Variants in ARHGEF18 observed in about 807,000 individuals in gnomAD.
ARHGEF18 encodes the protein Rho/Rac guanine nucleotide exchange factor 18, also known as rho guanine nucleotide exchange factor 18.
A neutral mutation model predicts 155.7 loss-of-function variants in ARHGEF18; 93 were observed. The observed-to-expected ratio is 0.60, with a 90% CI of 0.50 to 0.71. ARHGEF18 has a LOEUF of 0.71. Ranked by LOEUF, ARHGEF18 falls within the 30% of genes least tolerant of loss-of-function variation. The pLI is 0.00. For synonymous variants in ARHGEF18, 742 were observed against 753.1 expected (o/e 0.99, Z 0.24); for missense variants, 1,593 against 1,816.1 (o/e 0.88, Z 2.23).
chr19:7,372,625 G>T (rs112561623), intron 2 of ARHGEF18, among the ~76,000 whole-genome samples, 187 bp from the exon 3 acceptor site: 52 of 152,308 alleles, frequency 3.4e-4, no homozygotes, highest in African/African-American at 9.4e-4. Flanking sequence ...TTAGACAGGG[G>T]ACTGGGGGAC....
In ARHGEF18 at chr19:7,458,642, A is replaced by G. The variant is rs1408979059; in HGVS notation, c.2312A>G (p.Lys771Arg). 6.2e-7 allele frequency: 1 copy of G among 1,614,160 alleles called. No individual in the cohort carries two copies. The highest frequency in any genetic ancestry group is 8.5e-7 in the Non-Finnish European group (1 of 1,180,002). Residue 771 changes from lysine to arginine, a missense_variant, in exon 19 of 29, where the codon AAA becomes AGA. Physicochemically the swap from Lys to Arg is conservative, Grantham distance 26. Coordinates refer to ENST00000668164, the MANE Select transcript of ARHGEF18 (RefSeq NM_001367823.1). Reference sequence around the variant, plus strand: ...ATGTATGAAATCTACACGAGCTCCAAAGAGGACAGGAACGCCTGGATGGCC... The same window carrying G: ...ATGTATGAAATCTACACGAGCTCCAGAGAGGACAGGAACGCCTGGATGGCC... ...PEMYEIYTSS[K>R]EDRNAWMAHI...
intron 10 of ARHGEF18, among the ~76,000 whole-genome samples, chr19:7,408,781 G>A (rs1224800191): frequency 3.3e-5 from 5 of 152,152 alleles, no homozygotes; most frequent in East Asian, 3.9e-4. Flanking sequence ...AGTGGCTCAC[G>A]CCTGTAATCT....
intron 10 of ARHGEF18, among the ~76,000 whole-genome samples, chr19:7,408,035 T>G (rs1318686053): frequency 1.3e-5 from 2 of 149,356 alleles, no homozygotes; most frequent in Non-Finnish European, 3.0e-5. Flanking sequence ...TCTCAGCATT[T>G]CAGGAGGCAG....
Position 7,362,161 on chromosome 19 carries a change from A to AAGG in ARHGEF18, c.-110-618_-110-617insGAG, listed in dbSNP as rs1180378423. Among the ~76,000 whole-genome samples, 3 of 19,880 alleles carry AAGG rather than the reference A, an allele frequency of 1.5e-4. 1 individual carries two copies. Among genetic ancestry groups the AAGG allele is most frequent in the African/African-American group, 1.2e-3 (3 of 2,602 alleles). 13.0% of individuals were successfully genotyped at this position (19,880 alleles called of 152,430 possible). A position where few individuals can be genotyped will look rare whatever the true frequency, so the allele number is the denominator to read the frequency against. On this transcript the variant is annotated intron_variant, in intron 1 of 28. Coordinates refer to ENST00000668164, the MANE Select transcript of ARHGEF18 (RefSeq NM_001367823.1). The stretch of plus-strand genomic sequence containing the variant: ...GGAGAAGGAGAAGGAGAAGGAGGAG[A>AAGG]AGAAGGAGAAGAAGGAGAAGAAGGA...
intron 10 of ARHGEF18, among the ~76,000 whole-genome samples, chr19:7,393,720 A>C (rs1971530699): frequency 6.6e-6 from 1 of 151,234 alleles, no homozygotes; most frequent in South Asian, 2.1e-4. Context: ...CCTGTGTGGA[A>C]GTGGATAGGG....
At chr19:7,356,705 G>A (rs1969321781) in intron 1 of ARHGEF18, among the ~76,000 whole-genome samples, 1 of 152,170 alleles carries the variant, frequency 6.6e-6, no homozygotes, top group African/African-American at 2.4e-5. Context: ...ATTGCCTCAT[G>A]GGTTTTCTTG....
At chr19:7,438,398 G>T (rs944053533) in intron 10 of ARHGEF18, among the ~76,000 whole-genome samples, 2 of 144,524 alleles carry the variant, frequency 1.4e-5, no homozygotes, top group Non-Finnish European at 3.0e-5. Flanking sequence ...ACCATGTCTG[G>T]CCCAGATTTC....
At chr19:7,404,452 T>G (rs997758325) in intron 10 of ARHGEF18, among the ~76,000 whole-genome samples, 1 of 145,146 alleles carries the variant, frequency 6.9e-6, no homozygotes, top group Non-Finnish European at 1.5e-5. Context: ...CAGGAGGATC[T>G]CTCTCTTTTT....
chr19:7,426,305 T>C (rs8108993), intron 10 of ARHGEF18, among the ~76,000 whole-genome samples: 79,131 of 151,394 alleles, frequency 0.52, 21,165 homozygotes, highest in Middle Eastern at 0.73. Context: ...CTGGCCAACA[T>C]GATGAAACCT....
At chr19:7,411,356 G>T (rs1234573172) in intron 10 of ARHGEF18, among the ~76,000 whole-genome samples, 1 of 147,706 alleles carries the variant, frequency 6.8e-6, no homozygotes, top group African/African-American at 2.5e-5. Context: ...GCCCAGGCTG[G>T]AGGGCAGTGG....
In ARHGEF18 at chr19:7,380,992, GGAGT is replaced by G; in HGVS notation, c.721_722+2del. 1 of 1,232,162 alleles carries G rather than the reference GGAGT, an allele frequency of 8.1e-7. No individual in the cohort carries two copies. The allele number at this position is 1,232,162 out of a possible 1,614,324, so 76.3% of individuals were successfully genotyped here. On this transcript the variant is annotated splice_donor_variant and coding_sequence_variant, in exon 8 of 29. Transcript: ENST00000668164. LOFTEE classifies it high-confidence loss of function. ...ACCTGACCTGGTTTGAATTCCTGTCGGAGTAAGTACACAGATCTGCTTCTGGGGA... is the reference window on the plus strand; with the variant it reads ...ACCTGACCTGGTTTGAATTCCTGTCGAAGTACACAGATCTGCTTCTGGGGA...
chr19:7,458,564 CCAA>C lies in ARHGEF18; in HGVS notation c.2236_2238del (p.Asn746del), dbSNP rs1318414599. 1 of 1,614,074 alleles carries C rather than the reference CCAA, an allele frequency of 6.2e-7. No individual in the cohort carries two copies. Among genetic ancestry groups the C allele is most frequent in the Non-Finnish European group, 8.5e-7 (1 of 1,180,022 alleles). On this transcript the variant is annotated inframe_deletion, in exon 19 of 29. Transcript: ENST00000668164. ...CAAAAGCTCATCGTGAGGGAAGTGGCCAACGAGGAGAAAGCGATGTTTCTGATC... is the reference window on the plus strand; with the variant it reads ...CAAAAGCTCATCGTGAGGGAAGTGGCCGAGGAGAAAGCGATGTTTCTGATC...
intron 26 of ARHGEF18, 79 bp downstream of exon 26, chr19:7,467,763 CAG>C: frequency 7.3e-7 from 1 of 1,365,076 alleles, no homozygotes. Context: ...ATGCAGGTGA[CAG>C]GGTTCGCGGG....
downstream of ARHGEF18, among the ~76,000 whole-genome samples, chr19:7,476,703 A>T (rs1418435042): frequency 6.6e-6 from 1 of 152,186 alleles, no homozygotes; most frequent in Non-Finnish European, 1.5e-5. Context: ...CAATGGCTGG[A>T]GGCCACTTGG....
intron 10 of ARHGEF18, among the ~76,000 whole-genome samples, chr19:7,423,661 C>T (rs901872509): frequency 4.0e-5 from 6 of 150,520 alleles, no homozygotes; most frequent in Admixed American, 2.0e-4. Flanking sequence ...GCCGAGATCG[C>T]GCCACTGCAC....
chr19:7,428,800 C>T (rs540426770), intron 10 of ARHGEF18, among the ~76,000 whole-genome samples: 1 of 152,150 alleles, frequency 6.6e-6, no homozygotes, highest in Middle Eastern at 3.2e-3. Context: ...CCTAACTGTG[C>T]TCCCCGCCCT....
chr19:7,428,757 G>A (rs915457139), intron 10 of ARHGEF18, among the ~76,000 whole-genome samples: 1 of 152,108 alleles, frequency 6.6e-6, no homozygotes. Flanking sequence ...GCCCCTGCAG[G>A]TCGAACCTTT....
intron 2 of ARHGEF18, among the ~76,000 whole-genome samples, chr19:7,367,875 T>TATATATATACAC (rs1969990751): frequency 2.5e-5 from 1 of 40,066 alleles, no homozygotes; most frequent in African/African-American, 2.0e-4. Context: ...TATTTTTATA[T>TATATATATACAC]ATATATATTT....
At chr19:7,378,497 C>T in intron 6 of ARHGEF18, 46 bp downstream of exon 6, 1 of 1,230,918 alleles carries the variant, frequency 8.1e-7, no homozygotes, top group Non-Finnish European at 1.0e-6. Context: ...AGGGAACAGG[C>T]CACAAAGTCA....
Sources: allele counts gnomAD v4.1 joint callset (sites outside exome capture counted in the v4.1 genomes callset), GRCh38; gene constraint gnomAD v4.1.1; transcripts MANE v1.5; gene names NCBI Gene and HGNC (gene_info 2026-07-23, HGNC 2026-07-21).